Variants in RAB2A observed in about 807,000 individuals in gnomAD.
The protein encoded by RAB2A is RAB2A, member RAS oncogene family.
In RAB2A, 7 loss-of-function variants were observed where a neutral mutation model predicts 32.5. That is an observed-to-expected ratio of 0.22 (90% CI 0.12 to 0.40). The LOEUF (loss-of-function observed/expected upper bound fraction) is 0.40, where lower values mean the gene tolerates loss of function less well. RAB2A is among the 10% of genes least tolerant of loss of function. The pLI, the probability that RAB2A is intolerant of heterozygous loss-of-function variation, is 1.00. For missense variants in RAB2A, 108 were observed against 260.7 expected (o/e 0.41, Z 4.03); for synonymous variants, 79 against 85.2 (o/e 0.93, Z 0.40).
chr8:60,592,088 G>A (rs913698959), intron 6 of RAB2A, 119 bp downstream of exon 6: 1 of 538,540 alleles, frequency 1.9e-6, no homozygotes, highest in Non-Finnish European at 3.3e-6. Context: ...CATAAAGTAG[G>A]AAAGTTTCTT....
chr8:60,537,402 G>T (rs1586067907), intron 1 of RAB2A, among the ~76,000 whole-genome samples: 1 of 152,150 alleles, frequency 6.6e-6, no homozygotes, highest in East Asian at 1.9e-4. Context: ...TGTGTTTTTA[G>T]TAGAGATGGG....
intron 1 of RAB2A, among the ~76,000 whole-genome samples, chr8:60,527,516 G>T (rs1007558591): frequency 6.6e-6 from 1 of 152,188 alleles, no homozygotes; most frequent in Non-Finnish European, 1.5e-5. Flanking sequence ...GAAGGGCCAT[G>T]CCTTATTAAA....
At chr8:60,602,430 A>T (rs1804149435) in intron 6 of RAB2A, among the ~76,000 whole-genome samples, 1 of 152,252 alleles carries the variant, frequency 6.6e-6, no homozygotes, top group South Asian at 2.1e-4. Flanking sequence ...TCTTAATGTC[A>T]TCCCTTTTAT....
intron 6 of RAB2A, among the ~76,000 whole-genome samples, chr8:60,596,612 G>A (rs1368668660): frequency 6.6e-6 from 1 of 152,184 alleles, no homozygotes; most frequent in Non-Finnish European, 1.5e-5. Flanking sequence ...ATGCCAGTTA[G>A]AATGGCAATC....
intron 6 of RAB2A, among the ~76,000 whole-genome samples, chr8:60,614,708 C>G (rs1393331522): frequency 1.3e-5 from 2 of 152,054 alleles, no homozygotes. Context: ...TGAAATTTTG[C>G]CTTAAGTTTA....
At chr8:60,599,763 A>G (rs999814396) in intron 6 of RAB2A, among the ~76,000 whole-genome samples, 1 of 152,210 alleles carries the variant, frequency 6.6e-6, no homozygotes, top group Non-Finnish European at 1.5e-5. Context: ...CCTTAAAAAA[A>G]CTAACACAAA....
At chr8:60,577,396 C>T (rs1357541523) in intron 3 of RAB2A, among the ~76,000 whole-genome samples, 1 of 152,094 alleles carries the variant, frequency 6.6e-6, no homozygotes, top group Non-Finnish European at 1.5e-5. Flanking sequence ...AAGCATTCAA[C>T]TTGTGCTGTT....
chr8:60,611,439 C>T (rs687978), intron 6 of RAB2A, among the ~76,000 whole-genome samples: 58,853 of 151,998 alleles, frequency 0.39, 11,495 homozygotes, highest in East Asian at 0.55. Flanking sequence ...ACTTGCAGGG[C>T]TTTTCTCTCT....
At chr8:60,556,542 G>C (rs752827351) in intron 1 of RAB2A, among the ~76,000 whole-genome samples, 22 of 150,984 alleles carry the variant, frequency 1.5e-4, no homozygotes, top group Admixed American at 4.6e-4. Flanking sequence ...GCACATGCCT[G>C]TAGTCCCAGC....
At chr8:60,568,876 A>T (rs564661653) in intron 2 of RAB2A, among the ~76,000 whole-genome samples, 80 of 152,332 alleles carry the variant, frequency 5.3e-4, no homozygotes, top group African/African-American at 1.9e-3. Flanking sequence ...ACAATTTATC[A>T]CATAAAAAAA....
At chr8:60,605,853 A>ATATATATAT (rs201989396) in intron 6 of RAB2A, among the ~76,000 whole-genome samples, 10 of 114,972 alleles carry the variant, frequency 8.7e-5, no homozygotes, top group South Asian at 3.2e-4. Flanking sequence ...ATATATATAT[A>ATATATATAT]ATGCTTCATT....
chr8:60,564,731 T>G (rs919577215), intron 2 of RAB2A, among the ~76,000 whole-genome samples: 1 of 152,220 alleles, frequency 6.6e-6, no homozygotes, highest in Non-Finnish European at 1.5e-5. Context: ...GATTTACTGT[T>G]CTTAACATTT....
chr8:60,605,208 A>G (rs765635925), intron 6 of RAB2A, among the ~76,000 whole-genome samples: 1 of 152,202 alleles, frequency 6.6e-6, no homozygotes, highest in Non-Finnish European at 1.5e-5. Context: ...GGTAGCTTCC[A>G]TGTGGTGGTA....
At chr8:60,586,952 A>AG (rs1455303256) in intron 5 of RAB2A, among the ~76,000 whole-genome samples, 1 of 151,154 alleles carries the variant, frequency 6.6e-6, no homozygotes, top group Non-Finnish European at 1.5e-5. Flanking sequence ...AAAAAAAAAA[A>AG]GATTTATTGT....
In RAB2A at chr8:60,620,752, G is replaced by A. The variant is rs1293539677; in HGVS notation, c.622G>A (p.Gly208Arg). The A allele has an allele frequency of 3.1e-6, 5 of 1,613,074 alleles. No homozygotes were observed. The highest frequency in any genetic ancestry group is 1.7e-6 in the Non-Finnish European group (2 of 1,179,764). The part of the protein sequence containing the change: ...HAGNQGGQQA[G>R]GGCC ...AGGCAATCAGGGAGGACAGCAGGCT[G>A]GGGGCGGCTGCTGTTGAGTCTGTTT... Residue 208 changes from glycine to arginine, a missense_variant, in exon 8 of 8, where the codon GGG becomes AGG. This residue lies in a region of RAB2A where 24 missense variants were observed against 23.2 expected (regional missense o/e 1.04). Coordinates refer to ENST00000262646, the MANE Select transcript of RAB2A (RefSeq NM_002865.3).
At chr8:60,592,705 T>A (rs1308740992) in intron 6 of RAB2A, among the ~76,000 whole-genome samples, 1 of 152,184 alleles carries the variant, frequency 6.6e-6, no homozygotes, top group Non-Finnish European at 1.5e-5. Context: ...CACAGTGTAT[T>A]CTTTTATGCT....
intron 3 of RAB2A, among the ~76,000 whole-genome samples, chr8:60,576,712 G>C (rs1803639968): frequency 6.6e-6 from 1 of 152,158 alleles, no homozygotes; most frequent in Non-Finnish European, 1.5e-5. Context: ...TGGATGACCA[G>C]ATGCAGTGAG....
At chr8:60,575,653 CT>C (rs35451518) in intron 3 of RAB2A, among the ~76,000 whole-genome samples, 1,463 of 113,148 alleles carry the variant, frequency 0.013, 12 homozygotes, top group African/African-American at 0.044. Context: ...GGATATTTGT[CT>C]TTTTTTTTTT....
chr8:60,552,616 G>A (rs934413876), intron 1 of RAB2A: 1 of 152,078 alleles, frequency 6.6e-6, no homozygotes, highest in Non-Finnish European at 1.5e-5. Context: ...AAATCATCAA[G>A]GCCAATTAGT....
Sources: allele counts gnomAD v4.1 joint callset (sites outside exome capture counted in the v4.1 genomes callset), GRCh38; gene constraint gnomAD v4.1.1; regional missense constraint gnomAD v4.1.1; transcripts MANE v1.5; gene names NCBI Gene and HGNC (gene_info 2026-07-23, HGNC 2026-07-21).